Variants in PDCD10 observed in about 807,000 individuals in gnomAD.
PDCD10 encodes the protein programmed cell death protein 10.
Under a neutral mutation model 29.2 loss-of-function variants are expected in PDCD10, and 4 were observed. The ratio of observed to expected loss-of-function variants is 0.14; its 90% CI spans 0.07 to 0.31. PDCD10 has a LOEUF of 0.31. Among genes scored for constraint, PDCD10 ranks in the 10% least tolerant of loss-of-function variants. The probability of loss-of-function intolerance (pLI) is 1.00; values close to 1 mark genes in which losing one functional copy is unlikely to be tolerated. For missense variants in PDCD10, 183 were observed against 257.9 expected, an observed-to-expected ratio of 0.71 and a Z score of 1.99; for synonymous variants, 70 against 82.2, an observed-to-expected ratio of 0.85 and a Z score of 0.80.
chr3:167,688,553 T>A (rs1327889624), intron 6 of PDCD10, among the ~76,000 whole-genome samples: 1 of 152,204 alleles, frequency 6.6e-6, no homozygotes, highest in East Asian at 1.9e-4. Flanking sequence ...CCTTTCTAAC[T>A]AGCCCCTTTT....
chr3:167,718,000 TA>T (rs1246372157), intron 3 of PDCD10, among the ~76,000 whole-genome samples: 1 of 151,932 alleles, frequency 6.6e-6, no homozygotes, highest in African/African-American at 2.4e-5. Flanking sequence ...ACCAGATAAA[TA>T]AAGAAAATTC....
intron 8 of PDCD10, among the ~76,000 whole-genome samples, chr3:167,685,405 A>C (rs1443893554): frequency 6.6e-6 from 1 of 150,934 alleles, no homozygotes; most frequent in Non-Finnish European, 1.5e-5. Context: ...CCAAAAAAAA[A>C]AAAAAAAAAA....
chr3:167,707,522 C>CAA (rs201054541), intron 3 of PDCD10, among the ~76,000 whole-genome samples: 1 of 150,588 alleles, frequency 6.6e-6, no homozygotes, highest in East Asian at 1.9e-4. Flanking sequence ...ACTAAAAATA[C>CAA]AAAAAAAAAT....
chr3:167,726,907 T>C (rs770420841), intron 2 of PDCD10, among the ~76,000 whole-genome samples: 42 of 152,156 alleles, frequency 2.8e-4, no homozygotes, highest in Non-Finnish European at 5.3e-4. Context: ...GATATCACAA[T>C]GTCATAAAGG....
At chr3:167,697,913 G>GT (rs1390593825) in intron 4 of PDCD10, 7 of 456,470 alleles carry the variant, frequency 1.5e-5, no homozygotes, top group Non-Finnish European at 2.6e-5. Flanking sequence ...CACACTTGAT[G>GT]TTTGTTTCCT....
intron 2 of PDCD10, among the ~76,000 whole-genome samples, chr3:167,729,204 T>A (rs1724534580): frequency 1.3e-5 from 2 of 152,106 alleles, no homozygotes; most frequent in South Asian, 4.1e-4. Flanking sequence ...GCATAACAAG[T>A]CAAACACTTC....
At chr3:167,718,460 C>CA (rs1439300597) in intron 3 of PDCD10, among the ~76,000 whole-genome samples, 3 of 152,044 alleles carry the variant, frequency 2.0e-5, no homozygotes, top group Admixed American at 1.3e-4. Flanking sequence ...CATAACCAGA[C>CA]CTAAAAAGTG....
intron 6 of PDCD10, among the ~76,000 whole-genome samples, chr3:167,688,228 T>A (rs553133039): frequency 6.6e-6 from 1 of 152,322 alleles, no homozygotes; most frequent in South Asian, 2.1e-4. Context: ...TCAGAAAATA[T>A]TCCTCTCCCC....
At position 167,683,840 on chromosome 3, in the gene PDCD10, CATATATATAT is replaced by C. The variant is rs5854245; in HGVS notation, c.*458_*467del. The C allele has an allele frequency of 2.2e-5, 3 of 135,638 alleles. No individual in the cohort carries two copies. The highest frequency in any genetic ancestry group is 2.4e-4 in the South Asian group (1 of 4,224). The allele number at this position is 135,638 out of a possible 1,614,324, so 8.4% of individuals were successfully genotyped here. A position where few individuals can be genotyped will look rare whatever the true frequency, so the allele number is the denominator to read the frequency against. ...CACCAAGTTGTCTTGGTCTTCTGTTCATATATATATATATATATATATATATACACACATA... is the reference window on the plus strand; with the variant it reads ...CACCAAGTTGTCTTGGTCTTCTGTTCATATATATATATATATACACACATA... On this transcript the variant is annotated 3_prime_UTR_variant, in exon 9 of 9. Transcript: ENST00000392750.
rs144070363 is a variant in PDCD10, at chr3:167,720,554, T to C, written c.-116-281A>G. ...TCAGAGAGCTCTCTATGAAGCACCA[T>C]GGAATAATGATGTATGTCATGCCAC... On this transcript the variant is annotated intron_variant, in intron 2 of 8. Coordinates refer to ENST00000392750, the MANE Select transcript of PDCD10 (RefSeq NM_007217.4). 1.3e-3 allele frequency among the ~76,000 whole-genome samples: 192 copies of C among 152,028 alleles called. No individual in the cohort carries two copies. In the East Asian group the frequency reaches 0.015, roughly 12 times the overall value.
intron 6 of PDCD10, among the ~76,000 whole-genome samples, chr3:167,690,772 G>T (rs1204282653): frequency 6.6e-6 from 1 of 152,138 alleles, no homozygotes; most frequent in Non-Finnish European, 1.5e-5. Context: ...TCTGTGCTAG[G>T]CACTTCATGT....
chr3:167,704,979 A>T, intron 3 of PDCD10, 84 bp from the exon 4 acceptor site: 1 of 771,936 alleles, frequency 1.3e-6, no homozygotes, highest in Non-Finnish European at 2.2e-6. Context: ...TAGCAATCAC[A>T]TGAACACATT....
chr3:167,695,194 T>G (rs993859511), intron 6 of PDCD10, among the ~76,000 whole-genome samples: 1 of 152,214 alleles, frequency 6.6e-6, no homozygotes, highest in Admixed American at 6.5e-5. Context: ...ATTTGGTCAG[T>G]CTTAGAAAAC....
chr3:167,702,613 C>T lies in PDCD10; in HGVS notation c.150+2229G>A, dbSNP rs559013282. 5.3e-5 allele frequency among the ~76,000 whole-genome samples: 8 copies of T among 152,260 alleles called. 1 individual carries two copies. Among genetic ancestry groups the T allele is most frequent in the African/African-American group, 9.6e-5 (4 of 41,550 alleles). ...TTAACTGTATATACATTAAAATATT[C>T]AATGGTATTATCTTGGGAAAAACTA... On this transcript the variant is annotated intron_variant, in intron 4 of 8. Coordinates refer to ENST00000392750, the MANE Select transcript of PDCD10 (RefSeq NM_007217.4).
intron 4 of PDCD10, among the ~76,000 whole-genome samples, chr3:167,704,286 G>A (rs773397801): frequency 1.3e-5 from 2 of 151,964 alleles, no homozygotes; most frequent in South Asian, 4.2e-4. Flanking sequence ...GGATCACAGC[G>A]GCATGATCAC....
intron 6 of PDCD10, among the ~76,000 whole-genome samples, chr3:167,693,788 T>TAAA (rs781020722): frequency 7.3e-6 from 1 of 137,652 alleles, no homozygotes; most frequent in Non-Finnish European, 1.6e-5. Flanking sequence ...TACTAAAAAT[T>TAAA]AAAAAAAAAA....
intron 2 of PDCD10, 107 bp from the exon 3 acceptor site, chr3:167,720,380 A>C: frequency 2.0e-6 from 1 of 500,280 alleles, no homozygotes; most frequent in African/African-American, 1.9e-5. Flanking sequence ...ATGAAAAGCT[A>C]TTTTTTAATA....
chr3:167,704,065 A>C (rs1172416250), intron 4 of PDCD10, among the ~76,000 whole-genome samples: 1 of 152,204 alleles, frequency 6.6e-6, no homozygotes, highest in Non-Finnish European at 1.5e-5. Context: ...AAGACAAGGA[A>C]AACATTTATT....
At chr3:167,722,816 T>C (rs1223439852) in intron 2 of PDCD10, among the ~76,000 whole-genome samples, 1 of 152,230 alleles carries the variant, frequency 6.6e-6, no homozygotes, top group Non-Finnish European at 1.5e-5. Context: ...CATCTCTACC[T>C]ACCTACCCCC....
Sources: gnomAD v4.1 joint callset for allele counts (sites outside exome capture counted in the v4.1 genomes callset) on GRCh38, gnomAD v4.1.1 for gene constraint, MANE v1.5 for transcripts, NCBI Gene and HGNC (gene_info 2026-07-23, HGNC 2026-07-21) for gene names.